Variants in PRR33 observed in about 807,000 individuals in gnomAD.
The protein encoded by PRR33 is proline-rich protein 33.
A neutral mutation model predicts 0.5 loss-of-function variants in PRR33; 1 was observed. The observed-to-expected ratio is 2.18, with a 90% CI of 0.77 to 10.34. The LOEUF is 10.34. Among genes scored for constraint, PRR33 ranks in the 30% most tolerant of loss-of-function variants. The pLI is 0.13. For synonymous variants in PRR33, 226 were observed against 110.0 expected, an observed-to-expected ratio of 2.06 and a Z score of -6.60; for missense variants, 552 against 251.8, an observed-to-expected ratio of 2.19 and a Z score of -8.07.
the PRR33 span, among the ~76,000 whole-genome samples, chr11:1,910,331 G>C: frequency 3.3e-5 from 5 of 152,110 alleles, no homozygotes; most frequent in Non-Finnish European, 5.9e-5. Flanking sequence ...CTCACTGCAA[G>C]TTCTGCCTCC....
chr11:1,902,884 C>A, the PRR33 span, among the ~76,000 whole-genome samples: 4 of 152,256 alleles, frequency 2.6e-5, no homozygotes, highest in South Asian at 2.1e-4. Context: ...TCATGCCCCC[C>A]ACCCCTGCTT....
upstream of PRR33, among the ~76,000 whole-genome samples, chr11:1,894,075 T>TGAGAGA (rs1849093309): frequency 1.9e-3 from 2 of 1,026 alleles, no homozygotes; most frequent in African/African-American, 4.2e-3. Context: ...TGTGTGTGTG[T>TGAGAGA]GTGATAGGGC....
chr11:1,910,061 G>T, the PRR33 span, among the ~76,000 whole-genome samples: 1 of 152,232 alleles, frequency 6.6e-6, no homozygotes, highest in Non-Finnish European at 1.5e-5. Flanking sequence ...GCTCACAGCC[G>T]CAGGTCAGCT....
At chr11:1,900,971 C>A in the PRR33 span, among the ~76,000 whole-genome samples, 2 of 152,160 alleles carry the variant, frequency 1.3e-5, no homozygotes, top group Admixed American at 1.3e-4. Context: ...TTAGTTCAGC[C>A]TACTCCCAGG....
At chr11:1,906,614 G>A in the PRR33 span, among the ~76,000 whole-genome samples, 1 of 152,130 alleles carries the variant, frequency 6.6e-6, no homozygotes, top group Non-Finnish European at 1.5e-5. Context: ...TTTACCGTTT[G>A]TAAGGGAGGT....
At chr11:1,898,993 T>A in the PRR33 span, among the ~76,000 whole-genome samples, 1 of 152,108 alleles carries the variant, frequency 6.6e-6, no homozygotes, top group Non-Finnish European at 1.5e-5. Flanking sequence ...AGAGTGAGAC[T>A]TGGAGTGAGC....
chr11:1,896,168 G>A (rs1434188118), upstream of PRR33, among the ~76,000 whole-genome samples: 1 of 152,158 alleles, frequency 6.6e-6, no homozygotes, highest in Non-Finnish European at 1.5e-5. Flanking sequence ...TTTCCGGATT[G>A]TTTTAGCTCT....
At chr11:1,900,616 C>T in the PRR33 span, among the ~76,000 whole-genome samples, 41 of 152,224 alleles carry the variant, frequency 2.7e-4, 1 homozygote, top group East Asian at 1.9e-3. Flanking sequence ...CTGGAAATGA[C>T]GTAAAATGGT....
chr11:1,895,601 A>G (rs922638378), upstream of PRR33, among the ~76,000 whole-genome samples: 8 of 152,168 alleles, frequency 5.3e-5, no homozygotes, highest in African/African-American at 1.9e-4. Context: ...TTTTGGTATC[A>G]TGTCTGAGAA....
chr11:1,891,622 TCTC>T (rs1162782157), exon 1 of PRR33: 1 of 153,116 alleles, frequency 6.5e-6, no homozygotes, highest in Non-Finnish European at 1.5e-5. Flanking sequence ...CAGGACGTCT[TCTC>T]CTGTGGTGGA....
exon 1 of PRR33, chr11:1,889,617 C>A: frequency 1.6e-6 from 1 of 614,582 alleles, no homozygotes. Context: ...TGGGTGAGGG[C>A]CTGATGGTGG....
At chr11:1,915,430 C>G in the PRR33 span, among the ~76,000 whole-genome samples, 1 of 144,122 alleles carries the variant, frequency 6.9e-6, no homozygotes, top group East Asian at 2.1e-4. Context: ...GGTCACGCAC[C>G]TGGGATGATG....
the PRR33 span, among the ~76,000 whole-genome samples, chr11:1,904,869 C>T: frequency 6.6e-6 from 1 of 151,784 alleles, no homozygotes; most frequent in Non-Finnish European, 1.5e-5. Flanking sequence ...TTCCTGATAT[C>T]GGTAATTTCT....
chr11:1,900,877 C>T, the PRR33 span, among the ~76,000 whole-genome samples: 5 of 152,072 alleles, frequency 3.3e-5, no homozygotes, highest in African/African-American at 7.2e-5. Context: ...TTTTTGGATA[C>T]TATAGGGGCC....
chr11:1,892,399 C>G (rs539942009), upstream of PRR33: 1 of 152,368 alleles, frequency 6.6e-6, no homozygotes, highest in East Asian at 1.9e-4. Context: ...GTCTCATGGC[C>G]TTTGCAGTAT....
chr11:1,913,309 T>G, the PRR33 span, among the ~76,000 whole-genome samples: 3 of 34,582 alleles, frequency 8.7e-5, no homozygotes, highest in Non-Finnish European at 1.6e-4. Context: ...TTGTTTTTTT[T>G]TTTTTGTTTT....
At chr11:1,890,891 G>A (rs922794586) in exon 1 of PRR33, 23 of 392,868 alleles carry the variant, frequency 5.9e-5, no homozygotes, top group Non-Finnish European at 8.9e-5. Context: ...GCACAAAGCA[G>A]GCCCCAAGTA....
At chr11:1,897,386 G>A in the PRR33 span, among the ~76,000 whole-genome samples, 6 of 152,190 alleles carry the variant, frequency 3.9e-5, no homozygotes, top group East Asian at 1.9e-4. The surrounding 1 kb of genome is among the most constrained non-coding windows in gnomAD (Gnocchi z 4.0). Flanking sequence ...CGAGGACCTC[G>A]GGTTATATAT....
the PRR33 span, among the ~76,000 whole-genome samples, chr11:1,906,693 C>G: frequency 3.3e-5 from 5 of 152,176 alleles, no homozygotes; most frequent in Non-Finnish European, 5.9e-5. Context: ...CACCGCTGTG[C>G]GTGATAGGGT....
Sources: allele counts gnomAD v4.1 joint callset (sites outside exome capture counted in the v4.1 genomes callset), GRCh38; gene constraint gnomAD v4.1.1; non-coding constraint Gnocchi (gnomAD v3.1); transcripts MANE v1.5; gene names NCBI Gene and HGNC (gene_info 2026-07-23, HGNC 2026-07-21).